The following MYOM2 variants were observed in gnomAD, a reference collection of about 807,000 sequenced individuals.
The protein encoded by MYOM2 is myomesin 2, also known as myomesin-2.
Under a neutral mutation model 187.6 loss-of-function variants are expected in MYOM2, and 254 were observed. That is an observed-to-expected ratio of 1.35 (90% CI 1.22 to 1.50). The LOEUF (loss-of-function observed/expected upper bound fraction) is 1.50, where lower values mean the gene tolerates loss of function less well. MYOM2 is among the 40% of genes most tolerant of loss of function. MYOM2 has a pLI of 0.00. For synonymous variants in MYOM2, 981 were observed against 753.8 expected, an observed-to-expected ratio of 1.30 and a Z score of -4.94; for missense variants, 2,796 against 1,924.0, an observed-to-expected ratio of 1.45 and a Z score of -8.48.
chr8:2,052,202 G>C lies in MYOM2; in HGVS notation c.152G>C (p.Arg51Pro). 2 of 1,613,352 alleles carry C rather than the reference G, an allele frequency of 1.2e-6. No individual in the cohort carries two copies. The highest frequency in any genetic ancestry group is 1.1e-5 in the South Asian group (1 of 90,790). ...QASSQKSLSQ[R>P]SSSQRASSQT... ...TCTTCCCAGAAGTCCTTGAGTCAGC[G>C]GTCGTCTTCACAGAGAGCCTCCAGC... Residue 51 changes from arginine (R) to proline (P), a missense_variant, in exon 3 of 37, where the codon CGG (arginine) becomes CCG (proline). Coordinates refer to ENST00000262113, the MANE Select transcript of MYOM2 (RefSeq NM_003970.4).
Position 2,120,680 on chromosome 8 carries a change from T to TATATATATATTTCCTGTATATATA in MYOM2, c.3454-2572_3454-2571insATATATATATTTCCTGTATATATA. On this transcript the variant is annotated intron_variant, in intron 28 of 36. Transcript: ENST00000262113. ...CCTGTATATATATATATATATTATA[T>TATATATATATTTCCTGTATATATA]TATATATAAATATATAATATATATA... 1.3e-3 allele frequency among the ~76,000 whole-genome samples: 63 copies of TATATATATATTTCCTGTATATATA among 48,294 alleles called. 9 individuals carry two copies. Among genetic ancestry groups the TATATATATATTTCCTGTATATATA allele is most frequent in the African/African-American group, 3.9e-3 (60 of 15,260 alleles). 31.7% of individuals were successfully genotyped at this position (48,294 alleles called of 152,430 possible).
rs1866718 is a variant in MYOM2, at chr8:2,112,920, G to T, written c.3181-3040G>T. 5.4e-3 allele frequency among the ~76,000 whole-genome samples: 826 copies of T among 152,314 alleles called. 14 individuals carry two copies. The highest frequency in any genetic ancestry group is 0.049 in the East Asian group (254 of 5,184). On this transcript the variant is annotated intron_variant, in intron 25 of 36. Coordinates refer to ENST00000262113, the MANE Select transcript of MYOM2 (RefSeq NM_003970.4). ...GGCTGACGGAGTCTTCTCCCGCTACGCCTGCCTCATTTGCCGAGCACCACA... is the reference window on the plus strand; with the variant it reads ...GGCTGACGGAGTCTTCTCCCGCTACTCCTGCCTCATTTGCCGAGCACCACA...
At chr8:2,058,175 C>T (rs567927141) in intron 5 of MYOM2, among the ~76,000 whole-genome samples, 38 of 152,018 alleles carry the variant, frequency 2.5e-4, no homozygotes, top group Non-Finnish European at 3.4e-4. Flanking sequence ...TACGCCACCA[C>T]GCCTGGCTAA....
intron 14 of MYOM2, among the ~76,000 whole-genome samples, chr8:2,088,691 T>A (rs1796181792): frequency 6.6e-6 from 1 of 152,228 alleles, no homozygotes; most frequent in South Asian, 2.1e-4. Context: ...TGAGTCCATG[T>A]CTTTACTTTT....
intron 3 of MYOM2, among the ~76,000 whole-genome samples, chr8:2,053,447 G>A (rs1422741971): frequency 6.6e-6 from 1 of 152,168 alleles, no homozygotes; most frequent in African/African-American, 2.4e-5. Flanking sequence ...TAGAATACTT[G>A]AGCTTATCAT....
At chr8:2,098,264 G>C (rs1796563720) in intron 18 of MYOM2, among the ~76,000 whole-genome samples, 1 of 152,168 alleles carries the variant, frequency 6.6e-6, no homozygotes, top group Admixed American at 6.5e-5. Flanking sequence ...GGGAGTCGAG[G>C]CTCGTAGTGT....
At chr8:2,046,332 C>G (rs769459887) in intron 1 of MYOM2, among the ~76,000 whole-genome samples, 2 of 152,162 alleles carry the variant, frequency 1.3e-5, no homozygotes, top group Non-Finnish European at 1.5e-5. Flanking sequence ...AGGAGAGGCT[C>G]GCGTTTCATC....
rs912394976 is a variant in MYOM2 at position 2,138,871 on chromosome 8, C to T, written c.3801-1852C>T. ...AAACCATCCCTGGGAACAGCCATTT[C>T]GGCCTCTCTGGCTTAGTGTGCGCCA... On this transcript the variant is annotated intron_variant, in intron 32 of 36. Coordinates refer to ENST00000262113, the MANE Select transcript of MYOM2 (RefSeq NM_003970.4). 2.6e-5 allele frequency among the ~76,000 whole-genome samples: 4 copies of T among 152,276 alleles called. No homozygotes were observed. In the South Asian group the frequency reaches 6.2e-4, roughly 24 times the overall value.
intron 14 of MYOM2, among the ~76,000 whole-genome samples, chr8:2,089,029 C>T (rs977524819): frequency 4.6e-5 from 7 of 152,186 alleles, no homozygotes; most frequent in African/African-American, 1.4e-4. Context: ...GGGGCAGATA[C>T]AAAATAGCGG....
At position 2,059,977 on chromosome 8, in the gene MYOM2, T is replaced by G. The variant is rs182764994; in HGVS notation, c.653+732T>G. 2.0e-3 allele frequency among the ~76,000 whole-genome samples: 305 copies of G among 152,212 alleles called. 2 individuals are homozygous for G. Among genetic ancestry groups the G allele is most frequent in the African/African-American group, 7.1e-3 (293 of 41,528 alleles). ...GGCTGGTCTCGAACTCCCGACCTCA[T>G]GTGATCCACCTGCCTCGGTCTCCCA... On this transcript the variant is annotated intron_variant, in intron 6 of 36. Transcript: ENST00000262113.
intron 1 of MYOM2, among the ~76,000 whole-genome samples, chr8:2,046,780 G>A (rs1230319466): frequency 6.7e-6 from 1 of 148,730 alleles, no homozygotes; most frequent in African/African-American, 2.5e-5. Context: ...GGTGTGTGTA[G>A]GGGGTATTTA....
chr8:2,082,973 A>C (rs1397866258), intron 13 of MYOM2, among the ~76,000 whole-genome samples: 1 of 152,180 alleles, frequency 6.6e-6, no homozygotes, highest in South Asian at 2.1e-4. Flanking sequence ...ACCCCAGTTC[A>C]GCCACCCAGT....
intron 32 of MYOM2, among the ~76,000 whole-genome samples, chr8:2,133,058 C>G (rs1797932098): frequency 6.6e-6 from 1 of 152,168 alleles, no homozygotes; most frequent in Non-Finnish European, 1.5e-5. Context: ...GTGACAGCTG[C>G]AGGGGTGGGA....
Position 2,144,909 on chromosome 8 carries a change from C to G in MYOM2, c.4326C>G (p.Ile1442Met). 6.2e-7 allele frequency: 1 copy of G among 1,614,110 alleles called. No individual in the cohort carries two copies. The highest frequency in any genetic ancestry group is 1.3e-5 in the African/African-American group (1 of 75,036). Residue 1442 changes from isoleucine to methionine, a missense_variant, in exon 37 of 37, where the codon ATC becomes ATG. Coordinates refer to ENST00000262113, the MANE Select transcript of MYOM2 (RefSeq NM_003970.4). ...TVSVYKHGEKIPDMAPPQQAK... is the reference protein window; with the variant it reads ...TVSVYKHGEKMPDMAPPQQAK... ...GCGTGTACAAACACGGGGAGAAGAT[C>G]CCGGACATGGCCCCGCCCCAGCAAG...
intron 6 of MYOM2, among the ~76,000 whole-genome samples, chr8:2,064,947 A>C (rs1170251882): frequency 6.6e-6 from 1 of 152,222 alleles, no homozygotes; most frequent in Non-Finnish European, 1.5e-5. Flanking sequence ...GCTTTATAGG[A>C]CTGTAAGGGC....
intron 16 of MYOM2, among the ~76,000 whole-genome samples, chr8:2,093,163 C>T (rs374661205): frequency 1.3e-5 from 2 of 152,174 alleles, no homozygotes; most frequent in Admixed American, 6.5e-5. Context: ...ATGGCTCAGC[C>T]ATTTCTCCTT....
rs117756195 is a variant in MYOM2 at position 2,109,026 on chromosome 8, G to A, written c.3043+196G>A. Among the ~76,000 whole-genome samples, 522 of 152,244 alleles carry A rather than the reference G, an allele frequency of 3.4e-3. 25 individuals carry two copies. In the East Asian group the frequency reaches 0.084, roughly 24 times the overall value. On this transcript the variant is annotated intron_variant, in intron 24 of 36. Transcript: ENST00000262113. The stretch of plus-strand genomic sequence containing the variant: ...TATAGCTTGTTGAAACTTGCATTGC[G>A]TACACAGTGATTAGAATTTTGGGTT...
intron 10 of MYOM2, 65 bp downstream of exon 10, chr8:2,073,565 G>A: frequency 6.6e-7 from 1 of 1,506,168 alleles, no homozygotes; most frequent in African/African-American, 1.4e-5. Flanking sequence ...GGCAGCCCTG[G>A]GAGGAGGGAG....
chr8:2,141,100 A>T (rs1798258932), intron 33 of MYOM2, 41 bp from the exon 34 acceptor site: 2 of 1,580,248 alleles, frequency 1.3e-6, no homozygotes, highest in African/African-American at 2.7e-5. Flanking sequence ...TAAAATCTGA[A>T]CACTGAAATG....
Sources: gnomAD v4.1 joint callset for allele counts (sites outside exome capture counted in the v4.1 genomes callset) on GRCh38, gnomAD v4.1.1 for gene constraint, MANE v1.5 for transcripts, NCBI Gene and HGNC (gene_info 2026-07-23, HGNC 2026-07-21) for gene names.